The following AK5 variants were observed in gnomAD, a reference collection of about 807,000 sequenced individuals.
The protein encoded by AK5 is adenylate kinase isoenzyme 5.
A neutral mutation model predicts 69.5 loss-of-function variants in AK5; 27 were observed. The ratio of observed to expected loss-of-function variants is 0.39; its 90% CI spans 0.29 to 0.54. The LOEUF (loss-of-function observed/expected upper bound fraction) is 0.54, where lower values mean the gene tolerates loss of function less well. AK5 is among the 20% of genes least tolerant of loss of function. AK5 has a pLI of 0.71. For missense variants in AK5, 531 were observed against 700.4 expected, an observed-to-expected ratio of 0.76 and a Z score of 2.73; for synonymous variants, 260 against 244.4, an observed-to-expected ratio of 1.06 and a Z score of -0.60.
chr1:77,417,614 C>T (rs763240797), intron 7 of AK5, 25 bp from the exon 8 acceptor site: 1 of 1,490,850 alleles, frequency 6.7e-7, no homozygotes, highest in Admixed American at 1.7e-5. Context: ...CCTCCATCCA[C>T]TTATCTTTTC....
intron 5 of AK5, among the ~76,000 whole-genome samples, chr1:77,307,011 A>G (rs1161814123): frequency 6.6e-6 from 1 of 151,426 alleles, no homozygotes; most frequent in African/African-American, 2.4e-5. Flanking sequence ...AGCTGCAAAT[A>G]TTTTCTTTGT....
intron 8 of AK5, among the ~76,000 whole-genome samples, chr1:77,450,648 A>G (rs972596437): frequency 6.6e-6 from 1 of 152,198 alleles, no homozygotes; most frequent in African/African-American, 2.4e-5. Flanking sequence ...CCCAGAATCT[A>G]TAATAACTAT....
chr1:77,318,265 A>G (rs1366058210), intron 5 of AK5, among the ~76,000 whole-genome samples: 3 of 152,054 alleles, frequency 2.0e-5, no homozygotes, highest in African/African-American at 4.8e-5. Context: ...GAAGAAAGAG[A>G]GGCGGGGAGA....
rs532639919 is a variant in AK5 at position 77,367,454 on chromosome 1, C to A, written c.891+26886C>A. 3.8e-3 allele frequency among the ~76,000 whole-genome samples: 177 copies of A among 45,992 alleles called. 1 individual carries two copies. The highest frequency in any genetic ancestry group is 9.3e-3 in the African/African-American group (168 of 18,106). The allele number at this position is 45,992 out of a possible 152,430, so 30.2% of individuals were successfully genotyped here. On this transcript the variant is annotated intron_variant, in intron 6 of 13. Coordinates refer to ENST00000354567, the MANE Select transcript of AK5 (RefSeq NM_174858.3). ...CCTCCTACCTCAGTTTCCCAAGTAG[C>A]TAGGCGCATGCACCACCACACCTGG...
rs1349071408 is a variant in AK5, at chr1:77,393,260, G to T, written c.892-17721G>T. Among the ~76,000 whole-genome samples the T allele has an allele frequency of 2.0e-5, 3 of 152,046 alleles. No individual in the cohort carries two copies. In the South Asian group the frequency reaches 6.2e-4, roughly 32 times the overall value. The stretch of plus-strand genomic sequence containing the variant: ...ACACATCAATCTAGCTAGTTGTCAG[G>T]GCATAATTTTTGTAATACCTTTTAC... On this transcript the variant is annotated intron_variant, in intron 6 of 13. Coordinates refer to ENST00000354567, the MANE Select transcript of AK5 (RefSeq NM_174858.3).
intron 8 of AK5, among the ~76,000 whole-genome samples, chr1:77,476,058 G>T (rs1431873840): frequency 5.9e-5 from 9 of 152,012 alleles, no homozygotes; most frequent in East Asian, 1.9e-4. Context: ...TAGAGAACTA[G>T]GTCTGTTAAA....
intron 10 of AK5, among the ~76,000 whole-genome samples, chr1:77,516,631 G>T (rs923481791): frequency 6.7e-6 from 1 of 150,178 alleles, no homozygotes; most frequent in Non-Finnish European, 1.5e-5. Flanking sequence ...GAACAAAAGC[G>T]TGGTAGCCTG....
chr1:77,287,258 A>G (rs1464144819), intron 2 of AK5, 131 bp downstream of exon 2: 1 of 569,110 alleles, frequency 1.8e-6, no homozygotes, highest in African/African-American at 2.0e-5. Flanking sequence ...ATCACGATTA[A>G]TTTTTCTCTG....
intron 8 of AK5, among the ~76,000 whole-genome samples, chr1:77,459,216 C>T (rs1205587279): frequency 5.3e-5 from 8 of 152,154 alleles, no homozygotes; most frequent in Non-Finnish European, 7.4e-5. Flanking sequence ...TTGCTGTCTT[C>T]CTTAAAACCC....
At chr1:77,412,192 G>A (rs753944473) in intron 7 of AK5, among the ~76,000 whole-genome samples, 33 of 152,136 alleles carry the variant, frequency 2.2e-4, no homozygotes, top group Admixed American at 4.6e-4. Flanking sequence ...CCAGCACTTC[G>A]TGGCTCCCTA....
At chr1:77,368,251 A>ATGT (rs1201080538) in intron 6 of AK5, among the ~76,000 whole-genome samples, 1 of 70,614 alleles carries the variant, frequency 1.4e-5, no homozygotes, top group Non-Finnish European at 3.2e-5. Flanking sequence ...ATATATATAT[A>ATGT]TAATATATAT....
intron 8 of AK5, among the ~76,000 whole-genome samples, chr1:77,454,617 A>C (rs1352534415): frequency 6.6e-6 from 1 of 152,240 alleles, no homozygotes; most frequent in East Asian, 1.9e-4. Context: ...AGATTTACCA[A>C]AATAGGAAAT....
At chr1:77,522,434 A>T (rs113730230) in intron 12 of AK5, among the ~76,000 whole-genome samples, 2,939 of 152,274 alleles carry the variant, frequency 0.019, 91 homozygotes, top group African/African-American at 0.067. Flanking sequence ...GGACCAAGGA[A>T]GGATGGGAAG....
At chr1:77,442,736 G>C (rs1652404505) in intron 8 of AK5, among the ~76,000 whole-genome samples, 1 of 152,094 alleles carries the variant, frequency 6.6e-6, no homozygotes, top group Non-Finnish European at 1.5e-5. Flanking sequence ...AGGACTTCTA[G>C]ACAGCCATCT....
At position 77,368,228 on chromosome 1, in the gene AK5, T is replaced by TA. The variant is rs1553140231; in HGVS notation, c.891+27661dup. On this transcript the variant is annotated intron_variant, in intron 6 of 13. Coordinates refer to ENST00000354567, the MANE Select transcript of AK5 (RefSeq NM_174858.3). The stretch of plus-strand genomic sequence containing the variant: ...AGAGTAGAGATACTATATATATATA[T>TA]ATATATATATATATATATATATATA... Among the ~76,000 whole-genome samples, 4 of 27,240 alleles carry TA rather than the reference T, an allele frequency of 1.5e-4. No homozygotes were observed. In the East Asian group the frequency reaches 0.071, roughly 486 times the overall value. 17.9% of individuals were successfully genotyped at this position (27,240 alleles called of 152,430 possible).
intron 8 of AK5, among the ~76,000 whole-genome samples, chr1:77,476,356 C>G (rs1654935723): frequency 6.6e-6 from 1 of 152,162 alleles, no homozygotes; most frequent in South Asian, 2.1e-4. Flanking sequence ...TTCTGAAGGA[C>G]CAGTCTCCCT....
intron 10 of AK5, among the ~76,000 whole-genome samples, chr1:77,492,734 G>A (rs1450637413): frequency 6.6e-6 from 1 of 152,198 alleles, no homozygotes; most frequent in Non-Finnish European, 1.5e-5. Context: ...GTAGTGCAAG[G>A]GATAACTAAA....
intron 6 of AK5, among the ~76,000 whole-genome samples, chr1:77,377,184 T>C (rs1647306180): frequency 6.6e-6 from 1 of 152,152 alleles, no homozygotes; most frequent in Admixed American, 6.5e-5. Context: ...TCAAAACACA[T>C]ATACCAGACT....
chr1:77,460,171 A>G (rs921214638), intron 8 of AK5, among the ~76,000 whole-genome samples: 4 of 152,240 alleles, frequency 2.6e-5, no homozygotes, highest in Non-Finnish European at 5.9e-5. Flanking sequence ...ACTGTGTCCA[A>G]TCAATGCTGA....
Sources: gnomAD v4.1 joint callset for allele counts (sites outside exome capture counted in the v4.1 genomes callset) on GRCh38, gnomAD v4.1.1 for gene constraint, MANE v1.5 for transcripts, NCBI Gene and HGNC (gene_info 2026-07-23, HGNC 2026-07-21) for gene names.